DENND1A: variants seen among roughly 807,000 people sequenced by gnomAD.
DENND1A encodes DENN domain containing 1A.
DENND1A carries 51 observed loss-of-function variants against 113.7 expected under a neutral mutation model. The ratio of observed to expected loss-of-function variants is 0.45; its 90% CI spans 0.36 to 0.57. The LOEUF is 0.57. DENND1A is among the 20% of genes least tolerant of loss of function. DENND1A has a pLI of 0.00. For synonymous variants in DENND1A, 565 were observed against 570.8 expected (o/e 0.99, Z 0.14); for missense variants, 1,258 against 1,395.9 (o/e 0.90, Z 1.57).
chr9:123,434,788 G>A (rs539747682), intron 19 of DENND1A, among the ~76,000 whole-genome samples: 46 of 152,070 alleles, frequency 3.0e-4, no homozygotes, highest in African/African-American at 8.2e-4. Context: ...GGCTGGGAGC[G>A]GGGGTGAGGC....
intron 13 of DENND1A, among the ~76,000 whole-genome samples, chr9:123,542,689 G>C (rs988919721): frequency 4.0e-5 from 6 of 151,898 alleles, no homozygotes; most frequent in Non-Finnish European, 1.5e-5. Context: ...ATCTCTTCAC[G>C]CTCTCTCTGC....
intron 2 of DENND1A, among the ~76,000 whole-genome samples, chr9:123,826,303 T>A (rs1839320427): frequency 6.6e-6 from 1 of 152,154 alleles, no homozygotes; most frequent in Non-Finnish European, 1.5e-5. Context: ...CTCAGGAGGC[T>A]GGAGTCAGAT....
At chr9:123,518,668 A>G (rs2054138540) in intron 13 of DENND1A, among the ~76,000 whole-genome samples, 1 of 152,186 alleles carries the variant, frequency 6.6e-6, no homozygotes, top group Non-Finnish European at 1.5e-5. Flanking sequence ...GAGCTAGCAC[A>G]GTACCTGGCA....
At chr9:123,781,622 T>C (rs1012873112) in intron 3 of DENND1A, among the ~76,000 whole-genome samples, 1 of 152,202 alleles carries the variant, frequency 6.6e-6, no homozygotes, top group Admixed American at 6.5e-5. Flanking sequence ...TCCTGCCAAT[T>C]CTACAAAGTT....
chr9:123,443,286 T>C (rs1414962996), intron 18 of DENND1A, among the ~76,000 whole-genome samples: 2 of 152,248 alleles, frequency 1.3e-5, no homozygotes, highest in Non-Finnish European at 2.9e-5. Flanking sequence ...CGGAAGCTCC[T>C]GGCTACACTG....
At chr9:123,733,495 C>G (rs552789267) in intron 5 of DENND1A, among the ~76,000 whole-genome samples, 4 of 152,084 alleles carry the variant, frequency 2.6e-5, no homozygotes, top group Non-Finnish European at 4.4e-5. Flanking sequence ...CTATGTTGGC[C>G]AGGCTGGTCT....
intron 9 of DENND1A, among the ~76,000 whole-genome samples, chr9:123,644,118 A>G (rs2062172770): frequency 6.6e-6 from 1 of 152,122 alleles, no homozygotes; most frequent in South Asian, 2.1e-4. Context: ...TAACATTCCC[A>G]TCTGCAAAGG....
chr9:123,531,197 T>G (rs766730666), intron 13 of DENND1A, among the ~76,000 whole-genome samples: 10 of 152,298 alleles, frequency 6.6e-5, no homozygotes, highest in Middle Eastern at 3.4e-3. Context: ...AGCCGTAGTA[T>G]TCCTATGATA....
chr9:123,927,363 C>A (rs1857294017), intron 1 of DENND1A, among the ~76,000 whole-genome samples: 1 of 152,140 alleles, frequency 6.6e-6, no homozygotes, highest in Non-Finnish European at 1.5e-5. Context: ...CAGCCTAATT[C>A]CTTGGTCATT....
chr9:123,603,907 G>A (rs1416090591), intron 11 of DENND1A, among the ~76,000 whole-genome samples: 1 of 152,170 alleles, frequency 6.6e-6, no homozygotes, highest in Non-Finnish European at 1.5e-5. Flanking sequence ...TTTTTGATGT[G>A]TAATTTCCTA....
chr9:123,407,207 G>C (rs186001711), intron 20 of DENND1A, among the ~76,000 whole-genome samples: 219 of 152,134 alleles, frequency 1.4e-3, no homozygotes, highest in African/African-American at 5.0e-3. Context: ...TCGGAGGCTG[G>C]GGAGGGAGAG....
intron 5 of DENND1A, among the ~76,000 whole-genome samples, chr9:123,679,735 C>A (rs978912028): frequency 2.6e-5 from 4 of 152,218 alleles, no homozygotes; most frequent in Non-Finnish European, 5.9e-5. Context: ...GCTTGCGCGG[C>A]CTGCTAGGCT....
chr9:123,413,533 G>T, intron 19 of DENND1A: 27 of 985,428 alleles, frequency 2.7e-5, no homozygotes, highest in Non-Finnish European at 3.3e-5. Flanking sequence ...TGTCCCAGTT[G>T]TCCCTGGGTC....
chr9:123,497,280 A>G (rs1037779658), intron 13 of DENND1A, among the ~76,000 whole-genome samples: 7 of 152,220 alleles, frequency 4.6e-5, no homozygotes, highest in Admixed American at 4.6e-4. Context: ...CGTTTCCTGA[A>G]GCTGACAGAG....
At chr9:123,902,176 C>T (rs1342927154) in intron 1 of DENND1A, among the ~76,000 whole-genome samples, 1 of 91,116 alleles carries the variant, frequency 1.1e-5, no homozygotes, top group Non-Finnish European at 2.1e-5. Flanking sequence ...CACACACATA[C>T]ACACACACAC....
chr9:123,516,259 G>A (rs1370955368), intron 13 of DENND1A, among the ~76,000 whole-genome samples: 6 of 151,988 alleles, frequency 3.9e-5, no homozygotes, highest in South Asian at 2.1e-4. Context: ...TGTGTACTCT[G>A]TACTTTTGCG....
chr9:123,738,879 AG>A (rs1447496135), intron 5 of DENND1A, among the ~76,000 whole-genome samples: 5 of 152,220 alleles, frequency 3.3e-5, no homozygotes, highest in Admixed American at 3.3e-4. Context: ...AAGTAAGAAA[AG>A]TAAATACTAT....
chr9:123,853,534 G>A (rs924390399), intron 2 of DENND1A, among the ~76,000 whole-genome samples: 1 of 151,894 alleles, frequency 6.6e-6, no homozygotes, highest in African/African-American at 2.4e-5. Context: ...CATGGTGGCA[G>A]GCGCCTGTAA....
At chr9:123,584,141 T>C (rs977218438) in intron 11 of DENND1A, among the ~76,000 whole-genome samples, 1 of 152,246 alleles carries the variant, frequency 6.6e-6, no homozygotes, top group Non-Finnish European at 1.5e-5. Context: ...CCCCATCACG[T>C]ATCAAGCGTA....
Sources: allele counts gnomAD v4.1 joint callset (sites outside exome capture counted in the v4.1 genomes callset), GRCh38; gene constraint gnomAD v4.1.1; transcripts MANE v1.5; gene names NCBI Gene and HGNC (gene_info 2026-07-23, HGNC 2026-07-21).